Variants in PRKCD observed in about 807,000 individuals in gnomAD.
The protein encoded by PRKCD is protein kinase C delta.
Under a neutral mutation model 82.2 loss-of-function variants are expected in PRKCD, and 20 were observed. The observed-to-expected ratio is 0.24, with a 90% CI of 0.17 to 0.35. The LOEUF (loss-of-function observed/expected upper bound fraction) is 0.35, where lower values mean the gene tolerates loss of function less well. PRKCD is among the 10% of genes least tolerant of loss of function. The pLI is 1.00. For synonymous variants in PRKCD, 317 were observed against 337.0 expected (o/e 0.94, Z 0.65); for missense variants, 607 against 899.0 (o/e 0.68, Z 4.15).
At chr3:53,174,173 C>T (rs115982201) in intron 2 of PRKCD, among the ~76,000 whole-genome samples, 4 of 152,246 alleles carry the variant, frequency 2.6e-5, no homozygotes, top group African/African-American at 4.8e-5. Flanking sequence ...AGGTAATCTG[C>T]GACATTGTCG....
intron 3 of PRKCD, among the ~76,000 whole-genome samples, chr3:53,178,889 A>C (rs1193580060): frequency 6.6e-6 from 1 of 152,208 alleles, no homozygotes; most frequent in Admixed American, 6.5e-5. Context: ...GTTCATAGTC[A>C]GGTGGGGAAA....
intron 18 of PRKCD, among the ~76,000 whole-genome samples, chr3:53,190,266 A>C (rs1452823919): frequency 6.6e-6 from 1 of 152,188 alleles, no homozygotes; most frequent in African/African-American, 2.4e-5. Flanking sequence ...CGCTCCATTC[A>C]ATCCATTTTC....
Position 53,183,519 on chromosome 3 carries a change from C to G in PRKCD, c.725C>G (p.Thr242Ser). Residue 242 changes from threonine to serine, a missense_variant, in exon 9 of 19, where the codon ACC becomes AGC. Thr to Ser is a moderately conservative substitution (Grantham distance 58). Transcript: ENST00000330452. ...RFKVHNYMSP[T>S]FCDHCGSLLW... The stretch of plus-strand genomic sequence containing the variant: ...AAGGTTCACAACTACATGAGCCCCA[C>G]CTTCTGTGACCACTGCGGCAGCCTG... 6.2e-7 allele frequency: 1 copy of G among 1,614,240 alleles called. No individual in the cohort carries two copies. The highest frequency in any genetic ancestry group is 1.6e-4 in the Middle Eastern group (1 of 6,062).
intron 2 of PRKCD, among the ~76,000 whole-genome samples, chr3:53,176,911 C>T (rs1250273927): frequency 6.6e-6 from 1 of 152,104 alleles, no homozygotes; most frequent in Admixed American, 6.5e-5. Flanking sequence ...TCACTGCAAC[C>T]TCTGCCTCCC....
Position 53,185,944 on chromosome 3 carries a change from G to C in PRKCD, c.1003G>C (p.Gly335Arg). 1 of 1,614,188 alleles carries C rather than the reference G, an allele frequency of 6.2e-7. No individual in the cohort carries two copies. The highest frequency in any genetic ancestry group is 8.5e-7 in the Non-Finnish European group (1 of 1,180,036). Residue 335 changes from glycine to arginine, a missense_variant, in exon 12 of 19, where the codon GGC becomes CGC. By Grantham distance (125) the Gly-to-Arg change is moderately radical (BLOSUM62 -2). This residue lies in a region of PRKCD where 85 missense variants were observed against 76.1 expected (regional missense o/e 1.12). Coordinates refer to ENST00000330452, the MANE Select transcript of PRKCD (RefSeq NM_006254.4). ...EDMQDNSGTY[G>R]KIWEGSSKCN... ...TCGGGCAGACAACAGTGGGACCTAC[G>C]GCAAGATCTGGGAGGGCAGCAGCAA...
chr3:53,164,768 C>T (rs1370653746), intron 1 of PRKCD, among the ~76,000 whole-genome samples: 1 of 151,968 alleles, frequency 6.6e-6, no homozygotes, highest in Non-Finnish European at 1.5e-5. Flanking sequence ...CTTTGTTGCA[C>T]CCTAGGACTC....
At chr3:53,172,939 G>A (rs540698328) in intron 2 of PRKCD, among the ~76,000 whole-genome samples, 55 of 152,144 alleles carry the variant, frequency 3.6e-4, no homozygotes, top group Non-Finnish European at 7.1e-4. Context: ...GGACCAGGCC[G>A]GATCTGGGAG....
At position 53,183,557 on chromosome 3, in the gene PRKCD, G is replaced by A; in HGVS notation, c.763G>A (p.Val255Met). 2 of 1,614,178 alleles carry A rather than the reference G, an allele frequency of 1.2e-6. No homozygotes were observed. Among genetic ancestry groups the A allele is most frequent in the Non-Finnish European group, 8.5e-7 (1 of 1,180,018 alleles). Residue 255 changes from valine (V) to methionine (M), a missense_variant, in exon 9 of 19, where the codon GTG (valine) becomes ATG (methionine). Val to Met is a conservative substitution (Grantham distance 21). Around this residue, in one of 5 missense-constraint regions of PRKCD, gnomAD observed 109 missense variants for 155.6 expected, o/e 0.70. Transcript: ENST00000330452. Reference protein sequence around the residue: ...DHCGSLLWGLVKQGLKCEDCG... With the variant: ...DHCGSLLWGLMKQGLKCEDCG... Reference sequence around the variant, plus strand: ...CTGCGGCAGCCTGCTCTGGGGACTGGTGAAGCAGGGATTAAAGTGTGAAGG... The same window carrying A: ...CTGCGGCAGCCTGCTCTGGGGACTGATGAAGCAGGGATTAAAGTGTGAAGG...
At chr3:53,187,277 C>T (rs993637811) in intron 14 of PRKCD, 63 bp from the exon 15 acceptor site, 33 of 1,587,052 alleles carry the variant, frequency 2.1e-5, no homozygotes, top group African/African-American at 1.1e-4. Context: ...GTTGAGGGCC[C>T]GAGGAGAAGC....
In PRKCD at chr3:53,167,899, C is replaced by T. The variant is rs529150381; in HGVS notation, c.-20+2684C>T. Among the ~76,000 whole-genome samples, 9 of 152,328 alleles carry T rather than the reference C, an allele frequency of 5.9e-5. No homozygotes were observed. In the South Asian group the frequency reaches 8.3e-4, roughly 14 times the overall value. On this transcript the variant is annotated intron_variant, in intron 2 of 18. Coordinates refer to ENST00000330452, the MANE Select transcript of PRKCD (RefSeq NM_006254.4). Reference sequence around the variant, plus strand: ...CTTGTTCAGTAGGTTCCATGCCCTCCGAGGAGAGGAGCTCCTGTTGGAGCA... The same window carrying T: ...CTTGTTCAGTAGGTTCCATGCCCTCTGAGGAGAGGAGCTCCTGTTGGAGCA...
chr3:53,189,278 GGGCTGGGCTGGGGCAGGGGCTGGCAGACA>G (rs1559632343), intron 17 of PRKCD, 32 bp downstream of exon 17: 3 of 1,551,376 alleles, frequency 1.9e-6, no homozygotes, highest in African/African-American at 1.4e-5. Context: ...GGGCTGGTCT[GGGCTGGGCTGGGGCAGGGGCTGGCAGACA>G]CTGGGCTTTG....
intron 1 of PRKCD, among the ~76,000 whole-genome samples, chr3:53,161,778 C>T (rs1702668836): frequency 6.6e-6 from 1 of 151,936 alleles, no homozygotes; most frequent in East Asian, 2.0e-4. Context: ...CCCTGCGCGC[C>T]TCTCCGAGAC....
At chr3:53,185,516 TG>T in intron 10 of PRKCD, 87 bp from the exon 11 acceptor site, 1 of 1,098,018 alleles carries the variant, frequency 9.1e-7, no homozygotes, top group Non-Finnish European at 1.4e-6. Context: ...GTGTTAAGGG[TG>T]GAGTTATACC....
intron 1 of PRKCD, among the ~76,000 whole-genome samples, chr3:53,164,037 C>A (rs968805785): frequency 3.3e-5 from 5 of 152,126 alleles, no homozygotes; most frequent in African/African-American, 1.2e-4. Flanking sequence ...GATGCCTCTG[C>A]CCCCAGGGAA....
chr3:53,174,130 G>A (rs1451650013), intron 2 of PRKCD, among the ~76,000 whole-genome samples: 5 of 152,228 alleles, frequency 3.3e-5, no homozygotes, highest in African/African-American at 1.2e-4. Flanking sequence ...TTCTGGATCC[G>A]CATAGGGATA....
chr3:53,181,374 C>A, intron 5 of PRKCD, 70 bp from the exon 6 acceptor site: 1 of 1,610,098 alleles, frequency 6.2e-7, no homozygotes, highest in Non-Finnish European at 8.5e-7. Flanking sequence ...CAGGACCACC[C>A]TGGGAGGGAC....
chr3:53,163,367 C>T (rs1476407614), intron 1 of PRKCD, among the ~76,000 whole-genome samples: 2 of 150,184 alleles, frequency 1.3e-5, no homozygotes, highest in Non-Finnish European at 3.0e-5. Flanking sequence ...AAGGTGAGAG[C>T]CCAGTGTGGG....
In PRKCD at chr3:53,186,819, C is replaced by T. The variant is rs528528329; in HGVS notation, c.1352+124C>T. 7.7e-5 allele frequency: 79 copies of T among 1,030,128 alleles called. 2 individuals carry two copies. Among genetic ancestry groups the T allele is most frequent in the South Asian group, 7.6e-4 (50 of 65,490 alleles). The allele number at this position is 1,030,128 out of a possible 1,614,324, so 63.8% of individuals were successfully genotyped here. A position where few individuals can be genotyped will look rare whatever the true frequency, so the allele number is the denominator to read the frequency against. ...CTAGAAAAGCCAGCCTGGGCTAGAG[C>T]GGCAACTGGGGAGATGTGGGGGTAG... On this transcript the variant is annotated intron_variant, in intron 14 of 18. Transcript: ENST00000330452.
intron 2 of PRKCD, among the ~76,000 whole-genome samples, chr3:53,175,532 G>A (rs781997235): frequency 1.3e-5 from 2 of 152,160 alleles, no homozygotes; most frequent in Non-Finnish European, 2.9e-5. Flanking sequence ...CCACAGCCAA[G>A]GCAACGTTGG....
Sources: allele counts gnomAD v4.1 joint callset (sites outside exome capture counted in the v4.1 genomes callset), GRCh38; gene constraint gnomAD v4.1.1; regional missense constraint gnomAD v4.1.1; transcripts MANE v1.5; gene names NCBI Gene and HGNC (gene_info 2026-07-23, HGNC 2026-07-21).